DIAPH2: variants seen among roughly 807,000 people sequenced by gnomAD.
DIAPH2 encodes diaphanous related formin 2, also known as protein diaphanous homolog 2.
DIAPH2 carries 35 observed loss-of-function variants against 92.7 expected under a neutral mutation model. The ratio of observed to expected loss-of-function variants is 0.38; its 90% confidence interval spans 0.29 to 0.50. The LOEUF (loss-of-function observed/expected upper bound fraction) is 0.50. Ranked by LOEUF, DIAPH2 falls within the 20% of genes least tolerant of loss-of-function variation. The pLI, the probability that DIAPH2 is intolerant of heterozygous loss-of-function variation, is 0.94. For missense variants in DIAPH2, 701 were observed against 819.5 expected (o/e 0.86, Z 1.77); for synonymous variants, 301 against 280.4 (o/e 1.07, Z -0.73).
At chrX:97,538,392 TAAATA>T (rs2071113922) in intron 26 of DIAPH2, among the ~76,000 whole-genome samples, 1 of 111,703 alleles carries the variant, frequency 9.0e-6, no homozygotes, top group African/African-American at 3.2e-5. Context: ...TACTGAATTA[TAAATA>T]AAATCTAGAA....
chrX:97,423,878 A>T (rs760901444), intron 25 of DIAPH2, among the ~76,000 whole-genome samples: 4 of 111,601 alleles, frequency 3.6e-5, no homozygotes, highest in African/African-American at 1.3e-4. Flanking sequence ...CACATAAACA[A>T]TTTTTTTTCT....
At chrX:97,256,922 C>T (rs1602455216) in intron 23 of DIAPH2, among the ~76,000 whole-genome samples, 1 of 110,231 alleles carries the variant, frequency 9.1e-6, no homozygotes, top group East Asian at 2.8e-4. Context: ...CTCAGCCTCC[C>T]AAAGTGTTGG....
intron 26 of DIAPH2, among the ~76,000 whole-genome samples, chrX:97,501,274 T>C (rs979196821): frequency 2.7e-5 from 3 of 111,536 alleles, no homozygotes; most frequent in Middle Eastern, 4.2e-3. Context: ...AAAATCAGAT[T>C]ACCTGAAAGT....
intron 17 of DIAPH2, among the ~76,000 whole-genome samples, chrX:97,063,308 TGTATTATATGAAATACAAAA>T (rs1253722045): frequency 9.0e-6 from 1 of 111,532 alleles, no homozygotes; most frequent in Non-Finnish European, 1.9e-5. Context: ...GAATAAGAAC[TGTATTATATGAAATACAAAA>T]GTCTGATTTA....
At chrX:97,505,243 C>T (rs903287617) in intron 26 of DIAPH2, among the ~76,000 whole-genome samples, 3 of 111,917 alleles carry the variant, frequency 2.7e-5, no homozygotes, top group Admixed American at 9.5e-5. Context: ...ATCATCATTA[C>T]GGGGCATGAT....
intron 26 of DIAPH2, among the ~76,000 whole-genome samples, chrX:97,568,631 T>A (rs992123740): frequency 4.5e-5 from 5 of 111,747 alleles, no homozygotes; most frequent in Non-Finnish European, 9.4e-5. Context: ...CTAGAAAGAT[T>A]AACTTGAAAA....
At chrX:97,128,051 C>T (rs746031112) in intron 21 of DIAPH2, among the ~76,000 whole-genome samples, 148 of 110,581 alleles carry the variant, frequency 1.3e-3, no homozygotes, top group Non-Finnish European at 2.1e-3. Context: ...TCTTGGATCT[C>T]GCACAAGAAA....
At position 96,685,089 on chromosome X, in the gene DIAPH2, G is replaced by A; in HGVS notation, c.31G>A (p.Ala11Thr). MEQPGAAASG[A>T]GGGSEEPGGG... ...GCAGCCCGGGGCGGCGGCGTCGGGA[G>A]CGGGAGGCGGCAGCGAGGAACCCGG... Residue 11 changes from alanine (A) to threonine (T), a missense_variant, in exon 1 of 27, where the codon GCG becomes ACG. Ala to Thr is a moderately conservative substitution (Grantham distance 58). Coordinates refer to ENST00000324765, the MANE Select transcript of DIAPH2 (RefSeq NM_006729.5). The A allele has an allele frequency of 9.9e-7, 1 of 1,010,726 alleles. No homozygotes were observed. Among genetic ancestry groups the A allele is most frequent in the Non-Finnish European group, 1.3e-6 (1 of 792,536 alleles). The allele number at this position is 1,010,726 out of a possible 1,213,427, so 83.3% of individuals were successfully genotyped here.
intron 26 of DIAPH2, among the ~76,000 whole-genome samples, chrX:97,469,166 A>G (rs2147808332): frequency 9.0e-6 from 1 of 111,650 alleles, no homozygotes; most frequent in Admixed American, 9.6e-5. Context: ...TCCAGGTGGC[A>G]TCCATTAGGA....
At chrX:96,706,107 A>G (rs2063884247) in intron 1 of DIAPH2, among the ~76,000 whole-genome samples, 1 of 112,150 alleles carries the variant, frequency 8.9e-6, no homozygotes, top group Non-Finnish European at 1.9e-5. Context: ...TTCTCTTGAA[A>G]CATCAGAGTA....
chrX:96,982,782 A>G (rs936946668), intron 17 of DIAPH2, among the ~76,000 whole-genome samples: 1 of 112,476 alleles, frequency 8.9e-6, no homozygotes, highest in African/African-American at 3.2e-5. Context: ...ATATAGCTGC[A>G]TGATAGATCA....
At chrX:97,237,872 C>T (rs1272422111) in intron 22 of DIAPH2, among the ~76,000 whole-genome samples, 1 of 112,340 alleles carries the variant, frequency 8.9e-6, no homozygotes, top group African/African-American at 3.2e-5. Context: ...TGAGCCACCG[C>T]GCCCGGCCCG....
intron 5 of DIAPH2, among the ~76,000 whole-genome samples, chrX:96,889,888 A>T (rs757585506): frequency 8.9e-6 from 1 of 112,223 alleles, no homozygotes; most frequent in African/African-American, 3.2e-5. Flanking sequence ...GGCATGTTCT[A>T]GGAATGTCAA....
At chrX:96,851,291 C>T (rs971615610) in intron 4 of DIAPH2, among the ~76,000 whole-genome samples, 5 of 111,097 alleles carry the variant, frequency 4.5e-5, no homozygotes, top group East Asian at 5.6e-4. Flanking sequence ...TTGGTAGAGA[C>T]GGGGTTGCGT....
At chrX:97,091,201 C>T (rs908992470) in intron 19 of DIAPH2, among the ~76,000 whole-genome samples, 6 of 110,920 alleles carry the variant, frequency 5.4e-5, no homozygotes, top group East Asian at 2.8e-4. Context: ...TTTTGTATAC[C>T]TTTCTTCTTA....
chrX:97,232,327 C>G (rs772833207), intron 22 of DIAPH2, among the ~76,000 whole-genome samples: 1 of 111,482 alleles, frequency 9.0e-6, no homozygotes, highest in Admixed American at 9.5e-5. Flanking sequence ...CTCCTTCTCC[C>G]GGGTTCAAGC....
intron 26 of DIAPH2, among the ~76,000 whole-genome samples, chrX:97,456,888 A>G (rs1311540252): frequency 8.9e-6 from 1 of 112,227 alleles, no homozygotes; most frequent in Admixed American, 9.4e-5. Flanking sequence ...TCCACAAAAG[A>G]TGAAGACTAT....
At chrX:96,839,746 G>A (rs1346705936) in intron 4 of DIAPH2, among the ~76,000 whole-genome samples, 2 of 111,664 alleles carry the variant, frequency 1.8e-5, no homozygotes, top group Non-Finnish European at 3.8e-5. Flanking sequence ...TAATGTTGGT[G>A]CTTATAATGT....
chrX:96,947,160 T>G (rs1219589496), intron 14 of DIAPH2, among the ~76,000 whole-genome samples: 1 of 111,922 alleles, frequency 8.9e-6, no homozygotes, highest in Non-Finnish European at 1.9e-5. Flanking sequence ...TTCAGGCTTC[T>G]GTGATCCCCG....
Sources: gnomAD v4.1 joint callset for allele counts (sites outside exome capture counted in the v4.1 genomes callset) on GRCh38, gnomAD v4.1.1 for gene constraint, MANE v1.5 for transcripts, NCBI Gene and HGNC (gene_info 2026-07-23, HGNC 2026-07-21) for gene names.